Variants in CNTLN observed in about 807,000 individuals in gnomAD.
CNTLN encodes the protein centlein, centrosomal protein.
A neutral mutation model predicts 180.0 loss-of-function variants in CNTLN; 212 were observed. The ratio of observed to expected loss-of-function variants is 1.18; its 90% CI spans 1.05 to 1.32. CNTLN has a LOEUF of 1.32. Among genes scored for constraint, CNTLN ranks in the 40% most tolerant of loss-of-function variants. CNTLN has a pLI of 0.00. For synonymous variants in CNTLN, 722 were observed against 563.1 expected, an observed-to-expected ratio of 1.28 and a Z score of -3.99; for missense variants, 2,095 against 1,610.9, an observed-to-expected ratio of 1.30 and a Z score of -5.14.
intron 18 of CNTLN, among the ~76,000 whole-genome samples, chr9:17,428,492 T>A (rs564745548): frequency 6.6e-6 from 1 of 152,190 alleles, no homozygotes; most frequent in Non-Finnish European, 1.5e-5. Flanking sequence ...ACTGTATGCC[T>A]TCTCAAAAGT....
intron 18 of CNTLN, among the ~76,000 whole-genome samples, chr9:17,440,706 G>T (rs981389356): frequency 2.0e-5 from 3 of 152,160 alleles, no homozygotes; most frequent in Non-Finnish European, 4.4e-5. Context: ...ATCAACTTAT[G>T]AATGGAGAAA....
At chr9:17,427,522 C>G (rs879499586) in intron 18 of CNTLN, among the ~76,000 whole-genome samples, 10 of 152,096 alleles carry the variant, frequency 6.6e-5, no homozygotes, top group Non-Finnish European at 1.2e-4. Flanking sequence ...GTAAATCTCA[C>G]ATGAACTTTC....
chr9:17,512,804 G>A, the CNTLN span, among the ~76,000 whole-genome samples: 1 of 152,096 alleles, frequency 6.6e-6, no homozygotes, highest in Non-Finnish European at 1.5e-5. Flanking sequence ...GACTTTTATA[G>A]TCTATCATTT....
rs548293568 is a variant in CNTLN, at chr9:17,178,387, C to T, written c.449+35011C>T. Among the ~76,000 whole-genome samples, 361 of 152,338 alleles carry T rather than the reference C, an allele frequency of 2.4e-3. 2 individuals carry two copies. The highest frequency in any genetic ancestry group is 8.2e-3 in the African/African-American group (339 of 41,588). ...GCACCCGGGCCGCAGGTGGAGCTGC[C>T]TGCTAGTCCCGTGCCCTGTGCCCGC... On this transcript the variant is annotated intron_variant, in intron 2 of 25. Transcript: ENST00000380647.
At chr9:17,241,143 C>T (rs995537964) in intron 5 of CNTLN, among the ~76,000 whole-genome samples, 1 of 152,194 alleles carries the variant, frequency 6.6e-6, no homozygotes, top group African/African-American at 2.4e-5. Flanking sequence ...CAGGCGTGAG[C>T]CACCGCAGCC....
At chr9:17,266,233 C>T (rs1010538660) in intron 5 of CNTLN, among the ~76,000 whole-genome samples, 5 of 152,052 alleles carry the variant, frequency 3.3e-5, no homozygotes, top group South Asian at 2.1e-4. Context: ...TTCTGGTATG[C>T]TGTGTCTTTG....
At chr9:17,163,949 G>C (rs951336071) in intron 2 of CNTLN, among the ~76,000 whole-genome samples, 1 of 151,930 alleles carries the variant, frequency 6.6e-6, no homozygotes, top group African/African-American at 2.4e-5. Flanking sequence ...AGCCCAGGAA[G>C]TGTAGGTTGC....
At chr9:17,274,887 T>G (rs555787633) in intron 6 of CNTLN, among the ~76,000 whole-genome samples, 60 of 152,212 alleles carry the variant, frequency 3.9e-4, no homozygotes, top group African/African-American at 1.4e-3. Flanking sequence ...GAATTTAGTT[T>G]GGATGAAAAC....
chr9:17,174,502 C>A (rs181444298), intron 2 of CNTLN, among the ~76,000 whole-genome samples: 254 of 152,112 alleles, frequency 1.7e-3, no homozygotes, highest in African/African-American at 5.8e-3. Flanking sequence ...TTGAAACCAG[C>A]CTGGCCAATA....
At chr9:17,450,107 A>G (rs1830697232) in intron 18 of CNTLN, among the ~76,000 whole-genome samples, 1 of 152,202 alleles carries the variant, frequency 6.6e-6, no homozygotes, top group Non-Finnish European at 1.5e-5. Flanking sequence ...CCATATGCAG[A>G]TATCCATATT....
At chr9:17,472,735 A>C (rs1832098837) in intron 23 of CNTLN, among the ~76,000 whole-genome samples, 1 of 152,172 alleles carries the variant, frequency 6.6e-6, no homozygotes, top group Admixed American at 6.5e-5. Context: ...CTCAAATGCC[A>C]AAAATGTTCC....
intron 8 of CNTLN, among the ~76,000 whole-genome samples, chr9:17,312,370 A>AT (rs1242376259): frequency 8.7e-5 from 2 of 23,116 alleles, no homozygotes; most frequent in South Asian, 1.2e-3. Flanking sequence ...TATATTATAT[A>AT]TATATATATA....
chr9:17,260,911 C>T (rs1826917046), intron 5 of CNTLN, among the ~76,000 whole-genome samples: 1 of 151,404 alleles, frequency 6.6e-6, no homozygotes, highest in Non-Finnish European at 1.5e-5. Context: ...GTTATCTCAG[C>T]ACCATTTATT....
chr9:17,243,250 CT>C (rs767536715), intron 5 of CNTLN, among the ~76,000 whole-genome samples: 15 of 151,992 alleles, frequency 9.9e-5, no homozygotes, highest in Non-Finnish European at 2.2e-4. Context: ...GTTTTGCCCA[CT>C]TAGTTTATCT....
intron 7 of CNTLN, chr9:17,299,876 C>T: frequency 2.5e-6 from 2 of 804,924 alleles, no homozygotes; most frequent in Non-Finnish European, 3.0e-6. Flanking sequence ...TTCCATTGTA[C>T]TATAATTGGG....
chr9:17,436,775 T>C (rs1169371426), intron 18 of CNTLN, among the ~76,000 whole-genome samples: 1 of 152,224 alleles, frequency 6.6e-6, no homozygotes, highest in Non-Finnish European at 1.5e-5. Flanking sequence ...CTGTCAGGAA[T>C]TGCAGAATTT....
chr9:17,474,221 C>T (rs1366382632), intron 23 of CNTLN, among the ~76,000 whole-genome samples: 1 of 152,134 alleles, frequency 6.6e-6, no homozygotes, highest in African/African-American at 2.4e-5. Flanking sequence ...TTGTGATTTT[C>T]ACTTGGATGT....
chr9:17,340,483 G>T (rs1178151291), intron 10 of CNTLN, among the ~76,000 whole-genome samples: 1 of 152,058 alleles, frequency 6.6e-6, no homozygotes, highest in Non-Finnish European at 1.5e-5. Context: ...TTTATGTATA[G>T]ATAAAACCTT....
intron 13 of CNTLN, among the ~76,000 whole-genome samples, chr9:17,384,523 C>A (rs1442517): frequency 0.22 from 33,038 of 151,948 alleles, 4,061 homozygotes; most frequent in South Asian, 0.38. Context: ...ACAGTCATAT[C>A]AAGTGATTGA....
Sources: allele counts gnomAD v4.1 joint callset (sites outside exome capture counted in the v4.1 genomes callset), GRCh38; gene constraint gnomAD v4.1.1; transcripts MANE v1.5; gene names NCBI Gene and HGNC (gene_info 2026-07-23, HGNC 2026-07-21).